Variants in APBB1IP observed in about 807,000 individuals in gnomAD.
The protein encoded by APBB1IP is amyloid beta precursor protein binding family B member 1 interacting protein, also known as amyloid beta A4 precursor protein-binding family B member 1-interacting protein.
In APBB1IP, 27 loss-of-function variants were observed where a neutral mutation model predicts 64.9. The observed-to-expected ratio is 0.42, with a 90% CI of 0.31 to 0.57. APBB1IP has a LOEUF of 0.57. Ranked by LOEUF, APBB1IP falls within the 20% of genes least tolerant of loss-of-function variation. The probability of loss-of-function intolerance (pLI) is 0.20; values close to 1 mark genes in which losing one functional copy is unlikely to be tolerated. For synonymous variants in APBB1IP, 392 were observed against 331.0 expected, an observed-to-expected ratio of 1.18 and a Z score of -2.00; for missense variants, 812 against 845.5, an observed-to-expected ratio of 0.96 and a Z score of 0.49.
At chr10:26,543,123 G>A (rs373134982) in intron 11 of APBB1IP, among the ~76,000 whole-genome samples, 5 of 151,460 alleles carry the variant, frequency 3.3e-5, no homozygotes, top group African/African-American at 1.2e-4. Flanking sequence ...ACTGAAGGCC[G>A]GGAGAAGGCT....
rs556140581 is a variant in APBB1IP, at chr10:26,529,290, C to T, written c.814-4149C>T. Among the ~76,000 whole-genome samples the T allele has an allele frequency of 4.4e-4, 67 of 152,320 alleles. 1 individual carries two copies. In the South Asian group the frequency reaches 7.9e-3, roughly 18 times the overall value. ...GCGCCCACACCGCAGGTGGAAGTTCCGATCCGAAAGCAATCAGTCTTATTA... is the reference window on the plus strand; with the variant it reads ...GCGCCCACACCGCAGGTGGAAGTTCTGATCCGAAAGCAATCAGTCTTATTA... On this transcript the variant is annotated intron_variant, in intron 8 of 14. Transcript: ENST00000376236.
intron 8 of APBB1IP, among the ~76,000 whole-genome samples, chr10:26,527,507 C>T (rs1836489094): frequency 6.7e-6 from 1 of 149,020 alleles, no homozygotes; most frequent in South Asian, 2.1e-4. Context: ...TGATCCACTG[C>T]ACTCCAGCCT....
At chr10:26,459,468 G>A (rs1334580328) in intron 2 of APBB1IP, among the ~76,000 whole-genome samples, 2 of 152,080 alleles carry the variant, frequency 1.3e-5, no homozygotes, top group Admixed American at 1.3e-4. Context: ...TGGGATGGCT[G>A]GGTCAAATGG....
intron 2 of APBB1IP, 30 bp from the exon 3 acceptor site, chr10:26,492,297 T>G: frequency 6.3e-7 from 1 of 1,599,194 alleles, no homozygotes; most frequent in Non-Finnish European, 8.6e-7. Context: ...TTTATGAGAC[T>G]GCTAATATCT....
At chr10:26,504,915 G>A (rs925363872) in intron 6 of APBB1IP, among the ~76,000 whole-genome samples, 1 of 151,760 alleles carries the variant, frequency 6.6e-6, no homozygotes, top group African/African-American at 2.4e-5. Context: ...CCACCATGCC[G>A]GCTGATTTAT....
intron 8 of APBB1IP, among the ~76,000 whole-genome samples, chr10:26,531,945 C>T (rs1391943716): frequency 6.6e-6 from 1 of 152,134 alleles, no homozygotes; most frequent in Non-Finnish European, 1.5e-5. Context: ...GACCTTGTCT[C>T]TAAAGAAAAG....
chr10:26,564,634 C>G (rs968265774), intron 14 of APBB1IP, among the ~76,000 whole-genome samples: 1 of 151,982 alleles, frequency 6.6e-6, no homozygotes, highest in African/African-American at 2.4e-5. Flanking sequence ...GAAACCCTGT[C>G]TCTACAAAAA....
chr10:26,541,175 A>G (rs984164966), intron 10 of APBB1IP, among the ~76,000 whole-genome samples: 1 of 152,162 alleles, frequency 6.6e-6, no homozygotes, highest in East Asian at 1.9e-4. Flanking sequence ...TTAAAAAATT[A>G]ATTTTATTTT....
chr10:26,507,541 G>A (rs1482454752), intron 6 of APBB1IP, among the ~76,000 whole-genome samples: 1 of 152,154 alleles, frequency 6.6e-6, no homozygotes, highest in Non-Finnish European at 1.5e-5. Flanking sequence ...TGTAGAAAAT[G>A]GATTGTAGGG....
chr10:26,456,737 TAAAAAA>T (rs9299824), intron 2 of APBB1IP, among the ~76,000 whole-genome samples: 2 of 90,702 alleles, frequency 2.2e-5, no homozygotes, highest in Non-Finnish European at 4.0e-5. Flanking sequence ...AGAACCTGTC[TAAAAAA>T]AAAAAAAAAA....
chr10:26,465,647 T>C (rs1239451453), intron 2 of APBB1IP, among the ~76,000 whole-genome samples: 1 of 152,222 alleles, frequency 6.6e-6, no homozygotes, highest in Non-Finnish European at 1.5e-5. Flanking sequence ...ACTTAGTAAT[T>C]ATCATTTTTA....
At chr10:26,462,011 A>G (rs992408915) in intron 2 of APBB1IP, among the ~76,000 whole-genome samples, 1 of 152,124 alleles carries the variant, frequency 6.6e-6, no homozygotes, top group Non-Finnish European at 1.5e-5. Flanking sequence ...TATTTTGCTA[A>G]CTTTGTCTTT....
chr10:26,478,358 C>A (rs181569370), intron 2 of APBB1IP, among the ~76,000 whole-genome samples: 4 of 152,036 alleles, frequency 2.6e-5, no homozygotes, highest in Non-Finnish European at 5.9e-5. Flanking sequence ...AGGATGGAGG[C>A]GGTTGAGAAG....
chr10:26,462,861 C>T (rs929139544), intron 2 of APBB1IP, among the ~76,000 whole-genome samples: 1 of 152,166 alleles, frequency 6.6e-6, no homozygotes, highest in Non-Finnish European at 1.5e-5. Flanking sequence ...GCTCTTGTTA[C>T]TCCTCAAATG....
At chr10:26,553,183 A>G (rs1277042410) in intron 11 of APBB1IP, among the ~76,000 whole-genome samples, 4 of 151,860 alleles carry the variant, frequency 2.6e-5, no homozygotes, top group Non-Finnish European at 4.4e-5. Flanking sequence ...CACCACACCC[A>G]GCAAATTTTT....
chr10:26,540,711 A>G (rs1383972459), intron 10 of APBB1IP, among the ~76,000 whole-genome samples: 1 of 152,324 alleles, frequency 6.6e-6, no homozygotes, highest in East Asian at 1.9e-4. Flanking sequence ...CAAAAAACTA[A>G]TGGAACACAT....
chr10:26,467,104 C>T (rs1835657182), intron 2 of APBB1IP, among the ~76,000 whole-genome samples: 1 of 151,832 alleles, frequency 6.6e-6, no homozygotes, highest in Non-Finnish European at 1.5e-5. Flanking sequence ...TGGGGTTTCA[C>T]CATGTTGGCC....
At chr10:26,443,623 C>A (rs1395263179) in intron 2 of APBB1IP, among the ~76,000 whole-genome samples, 1 of 151,974 alleles carries the variant, frequency 6.6e-6, no homozygotes. Flanking sequence ...TAGCCTCAAC[C>A]TCCTGGGCTC....
At chr10:26,564,668 T>C (rs926883793) in intron 14 of APBB1IP, among the ~76,000 whole-genome samples, 1 of 152,048 alleles carries the variant, frequency 6.6e-6, no homozygotes, top group Non-Finnish European at 1.5e-5. Flanking sequence ...CTGGGGGTGT[T>C]GGCACACACT....
Sources: allele counts gnomAD v4.1 joint callset (sites outside exome capture counted in the v4.1 genomes callset), GRCh38; gene constraint gnomAD v4.1.1; transcripts MANE v1.5; gene names NCBI Gene and HGNC (gene_info 2026-07-23, HGNC 2026-07-21).